PCDH9: variants seen among roughly 807,000 people sequenced by gnomAD.
PCDH9 encodes protocadherin 9, also known as protocadherin-9.
A neutral mutation model predicts 70.6 loss-of-function variants in PCDH9; 24 were observed. The ratio of observed to expected loss-of-function variants is 0.34; its 90% CI spans 0.25 to 0.48. The LOEUF is 0.48. PCDH9 is among the 20% of genes least tolerant of loss of function. PCDH9 has a pLI of 0.99. For missense variants in PCDH9, 1,281 were observed against 1,503.6 expected, an observed-to-expected ratio of 0.85 and a Z score of 2.45; for synonymous variants, 562 against 558.5, an observed-to-expected ratio of 1.01 and a Z score of -0.09.
At chr13:67,021,119 C>T (rs2084665385) in intron 2 of PCDH9, among the ~76,000 whole-genome samples, 1 of 152,126 alleles carries the variant, frequency 6.6e-6, no homozygotes, top group South Asian at 2.1e-4. Context: ...ACATTTCTTG[C>T]CATTCAGTGT....
chr13:66,677,704 T>C (rs1460152031), intron 3 of PCDH9, among the ~76,000 whole-genome samples: 3 of 152,064 alleles, frequency 2.0e-5, no homozygotes, highest in Admixed American at 6.6e-5. Context: ...CCTTCTGCCA[T>C]GATTAAAAGT....
intron 4 of PCDH9, among the ~76,000 whole-genome samples, chr13:66,561,333 G>C (rs1046256515): frequency 1.9e-4 from 29 of 152,148 alleles, no homozygotes; most frequent in Admixed American, 2.0e-4. Flanking sequence ...TGTGCCGCCC[G>C]AGCCTCCCGG....
intron 4 of PCDH9, among the ~76,000 whole-genome samples, chr13:66,356,262 C>CT (rs1216935970): frequency 6.6e-6 from 1 of 152,110 alleles, no homozygotes; most frequent in East Asian, 1.9e-4. Context: ...GCCAATTAAG[C>CT]TTTTGCAGAA....
chr13:66,330,017 A>G (rs905272736), intron 4 of PCDH9, among the ~76,000 whole-genome samples: 8 of 152,230 alleles, frequency 5.3e-5, no homozygotes, highest in Non-Finnish European at 8.8e-5. Flanking sequence ...GCATCTTTTC[A>G]GTGCTAATTA....
At chr13:66,794,113 A>T (rs1387831332) in intron 3 of PCDH9, among the ~76,000 whole-genome samples, 1 of 152,134 alleles carries the variant, frequency 6.6e-6, no homozygotes, top group East Asian at 1.9e-4. Flanking sequence ...TTGTTATTTT[A>T]TTTGTCTTAG....
chr13:66,905,319 T>C (rs980468161), intron 2 of PCDH9, among the ~76,000 whole-genome samples: 1 of 152,126 alleles, frequency 6.6e-6, no homozygotes, highest in African/African-American at 2.4e-5. Flanking sequence ...AAAGGTTTCA[T>C]GTATCATATA....
chr13:66,563,377 T>C (rs1222595185), intron 4 of PCDH9, among the ~76,000 whole-genome samples: 1 of 152,158 alleles, frequency 6.6e-6, no homozygotes, highest in African/African-American at 2.4e-5. Flanking sequence ...TAAATTCACT[T>C]AGGCTCTTAT....
At chr13:66,573,365 C>G (rs977496408) in intron 4 of PCDH9, among the ~76,000 whole-genome samples, 7 of 151,430 alleles carry the variant, frequency 4.6e-5, no homozygotes, top group African/African-American at 1.7e-4. Context: ...TTTTCTCCCA[C>G]CATTCTATAC....
intron 4 of PCDH9, among the ~76,000 whole-genome samples, chr13:66,521,450 G>A (rs1218530353): frequency 6.6e-6 from 1 of 152,020 alleles, no homozygotes; most frequent in Admixed American, 6.6e-5. Flanking sequence ...TAAGAAAACC[G>A]CTTTTATGAA....
At chr13:67,170,665 CT>C (rs1160580840) in intron 2 of PCDH9, among the ~76,000 whole-genome samples, 5 of 152,152 alleles carry the variant, frequency 3.3e-5, no homozygotes, top group Non-Finnish European at 5.9e-5. Flanking sequence ...TGGCTCAGGC[CT>C]GTAATCCCAG....
rs1594600377 is a variant in PCDH9, at chr13:67,165,446, G to A, written c.3036+59959C>T. On this transcript the variant is annotated intron_variant, in intron 2 of 4. Transcript: ENST00000377865. ...AGTGAATATTTTATGGGTGCATAAT[G>A]TACTATTCTGCGATTAAAATATTCC... Among the ~76,000 whole-genome samples the A allele has an allele frequency of 3.9e-5, 6 of 152,134 alleles. No homozygotes were observed. The South Asian group carries it at 1.2e-3, about 32-fold the overall frequency.
At chr13:66,427,782 A>G (rs759075731) in intron 4 of PCDH9, among the ~76,000 whole-genome samples, 19 of 151,686 alleles carry the variant, frequency 1.3e-4, no homozygotes, top group Non-Finnish European at 2.7e-4. Context: ...TGTATCAGGT[A>G]TTCTCTTACA....
intron 2 of PCDH9, among the ~76,000 whole-genome samples, chr13:67,091,825 A>G (rs9599182): frequency 0.22 from 33,215 of 152,020 alleles, 3,834 homozygotes; most frequent in Middle Eastern, 0.28. Flanking sequence ...GATGTTATTT[A>G]TAGTGTCAAT....
chr13:67,040,996 G>T (rs943071407), intron 2 of PCDH9, among the ~76,000 whole-genome samples: 8 of 152,050 alleles, frequency 5.3e-5, no homozygotes, highest in Non-Finnish European at 1.0e-4. Context: ...GATAATTTTT[G>T]AAACTTCTTC....
At chr13:66,694,724 T>C (rs2078534827) in intron 3 of PCDH9, among the ~76,000 whole-genome samples, 1 of 151,906 alleles carries the variant, frequency 6.6e-6, no homozygotes, top group Admixed American at 6.6e-5. Context: ...ATTGTATATA[T>C]ACATATGTGT....
intron 4 of PCDH9, among the ~76,000 whole-genome samples, chr13:66,509,837 T>C (rs1233331012): frequency 6.6e-6 from 1 of 152,156 alleles, no homozygotes; most frequent in Admixed American, 6.5e-5. Context: ...TAGAGCCAAA[T>C]GACATCTTTC....
intron 4 of PCDH9, among the ~76,000 whole-genome samples, chr13:66,483,469 C>T (rs528837938): frequency 4.0e-4 from 61 of 152,294 alleles, no homozygotes; most frequent in African/African-American, 1.2e-3. Flanking sequence ...ACATCACCAC[C>T]AACTTGGAGA....
At chr13:66,974,222 A>G (rs2139754076) in intron 2 of PCDH9, among the ~76,000 whole-genome samples, 1 of 152,106 alleles carries the variant, frequency 6.6e-6, no homozygotes, top group Admixed American at 6.6e-5. Flanking sequence ...TCCATACACT[A>G]CAATGCATCC....
intron 3 of PCDH9, among the ~76,000 whole-genome samples, chr13:66,774,437 C>G (rs555977079): frequency 1.4e-5 from 2 of 146,008 alleles, no homozygotes; most frequent in Admixed American, 7.0e-5. Context: ...ACTTCTTTCT[C>G]CTGCTCATCT....
Sources: gnomAD v4.1 joint callset for allele counts (sites outside exome capture counted in the v4.1 genomes callset) on GRCh38, gnomAD v4.1.1 for gene constraint, MANE v1.5 for transcripts, NCBI Gene and HGNC (gene_info 2026-07-23, HGNC 2026-07-21) for gene names.